Variants in SCN9A observed in about 807,000 individuals in gnomAD.
The protein encoded by SCN9A is sodium channel protein type 9 subunit alpha.
Under a neutral mutation model 187.0 loss-of-function variants are expected in SCN9A, and 131 were observed. That is an observed-to-expected ratio of 0.70 (90% CI 0.61 to 0.81). SCN9A has a LOEUF of 0.81. SCN9A is among the 30% of genes least tolerant of loss of function. The pLI, the probability that SCN9A is intolerant of heterozygous loss-of-function variation, is 0.00. For synonymous variants in SCN9A, 809 were observed against 808.6 expected (o/e 1.00, Z -0.01); for missense variants, 2,252 against 2,396.6 (o/e 0.94, Z 1.26).
Position 166,286,597 on chromosome 2 carries a change from A to G in SCN9A, c.1341T>C (p.Tyr447=). ...AEAIAAAAAE[Y]TSIRRSRIMG... ...TAATTCTGCTTCTCCTAATACTTGTATATTCAGCCGCTGCCGCTGCAATTG... is the reference window on the plus strand; with the variant it reads ...TAATTCTGCTTCTCCTAATACTTGTGTATTCAGCCGCTGCCGCTGCAATTG... The change falls in exon 11 of 27, where the codon TAT becomes TAC. Residue 447 remains tyrosine (Y), a synonymous_variant. Transcript: ENST00000642356. The G allele has an allele frequency of 1.3e-6, 2 of 1,572,546 alleles. No individual in the cohort carries two copies. Among genetic ancestry groups the G allele is most frequent in the Non-Finnish European group, 1.7e-6 (2 of 1,163,762 alleles).
At chr2:166,247,274 T>A (rs193182113) in intron 18 of SCN9A, among the ~76,000 whole-genome samples, 42 of 151,096 alleles carry the variant, frequency 2.8e-4, no homozygotes, top group African/African-American at 9.2e-4. Context: ...AATTTAAAAA[T>A]TGATTATGAA....
chr2:166,347,876 A>G (rs1699939957), intron 1 of SCN9A, among the ~76,000 whole-genome samples: 2 of 152,196 alleles, frequency 1.3e-5, no homozygotes, highest in South Asian at 4.1e-4. Context: ...TAATAAGGTC[A>G]TGAAGAGACA....
chr2:166,326,628 C>A (rs1217816197), intron 1 of SCN9A, among the ~76,000 whole-genome samples: 1 of 152,148 alleles, frequency 6.6e-6, no homozygotes, highest in Non-Finnish European at 1.5e-5. Context: ...GATGATCTTA[C>A]CATTGAGAGA....
intron 17 of SCN9A, among the ~76,000 whole-genome samples, chr2:166,270,236 A>G (rs1696914237): frequency 6.6e-6 from 1 of 152,146 alleles, no homozygotes; most frequent in Non-Finnish European, 1.5e-5. Context: ...AACAATAAAA[A>G]TAGTACAAAT....
intron 1 of SCN9A, among the ~76,000 whole-genome samples, chr2:166,319,440 C>T (rs534792758): frequency 2.0e-5 from 3 of 150,256 alleles, no homozygotes; most frequent in Non-Finnish European, 4.4e-5. Context: ...TTCTTTAGAA[C>T]GTGTAAATAG....
chr2:166,343,536 G>T (rs940357433), intron 1 of SCN9A, among the ~76,000 whole-genome samples: 3 of 143,316 alleles, frequency 2.1e-5, no homozygotes, highest in African/African-American at 8.5e-5. Context: ...GATTTGAATT[G>T]CAGTTCTGTT....
At chr2:166,271,070 C>A (rs1264659560) in intron 17 of SCN9A, among the ~76,000 whole-genome samples, 1 of 151,632 alleles carries the variant, frequency 6.6e-6, no homozygotes, top group Non-Finnish European at 1.5e-5. Context: ...GAGAGGAGGG[C>A]ACAAAAAAAG....
At chr2:166,287,912 A>G (rs77350688) in intron 10 of SCN9A, among the ~76,000 whole-genome samples, 7,728 of 149,434 alleles carry the variant, frequency 0.052, 280 homozygotes, top group South Asian at 0.13. Flanking sequence ...ACTGTATACA[A>G]TTGGTACTCT....
At chr2:166,326,717 T>C (rs1171971597) in intron 1 of SCN9A, among the ~76,000 whole-genome samples, 1 of 152,206 alleles carries the variant, frequency 6.6e-6, no homozygotes, top group Non-Finnish European at 1.5e-5. Context: ...GAGAGCATAT[T>C]AGACTAACCA....
chr2:166,305,852 C>T lies in SCN9A; in HGVS notation c.536G>A (p.Gly179Glu), dbSNP rs553375250. 1.5e-5 allele frequency: 24 copies of T among 1,613,308 alleles called. No homozygotes were observed. In the East Asian group the frequency reaches 4.2e-4, roughly 28 times the overall value. Residue 179 changes from glycine (G) to glutamate (E), a missense_variant, in exon 5 of 27, where the codon GGA becomes GAA. By Grantham distance (98) the Gly-to-Glu change is moderately conservative. Around this residue, in one of 7 missense-constraint regions of SCN9A, gnomAD observed 1,013 missense variants for 997.4 expected, o/e 1.02. Coordinates refer to ENST00000642356, the MANE Select transcript of SCN9A (RefSeq NM_001365536.1). ...VKILARGFCV[G>E]EFTFLRDPWN... ...CGGGTCACGAAGAAAAGTGAATTCTCCTACACAGAAGCCTCTTGCAAGGAT... is the reference window on the plus strand; with the variant it reads ...CGGGTCACGAAGAAAAGTGAATTCTTCTACACAGAAGCCTCTTGCAAGGAT...
At chr2:166,302,948 G>T (rs1224896687) in intron 7 of SCN9A, 142 bp downstream of exon 7, 1 of 673,192 alleles carries the variant, frequency 1.5e-6, no homozygotes, top group Non-Finnish European at 2.4e-6. Flanking sequence ...TATATAACAT[G>T]ACCCAAATTC....
At chr2:166,279,530 A>G (rs1466324319) in intron 14 of SCN9A, among the ~76,000 whole-genome samples, 1 of 152,146 alleles carries the variant, frequency 6.6e-6, no homozygotes, top group Non-Finnish European at 1.5e-5. Flanking sequence ...TCACTCTGGC[A>G]TCAATTTTAC....
chr2:166,205,872 T>C (rs777890774), intron 24 of SCN9A, among the ~76,000 whole-genome samples: 42 of 152,272 alleles, frequency 2.8e-4, no homozygotes, highest in South Asian at 1.2e-3. Flanking sequence ...CAGGTACTTC[T>C]CAAAAGAAGA....
chr2:166,313,657 C>T (rs2105231382), intron 1 of SCN9A, among the ~76,000 whole-genome samples: 1 of 152,226 alleles, frequency 6.6e-6, no homozygotes, highest in East Asian at 1.9e-4. Context: ...AAAACTTTCT[C>T]TATATTTGCA....
chr2:166,234,695 TTA>T (rs1199300752), intron 20 of SCN9A, among the ~76,000 whole-genome samples: 2 of 152,198 alleles, frequency 1.3e-5, no homozygotes, highest in African/African-American at 4.8e-5. Context: ...TTCACATCCA[TTA>T]TTTTCCACTT....
At chr2:166,320,777 C>T (rs541713728) in intron 1 of SCN9A, among the ~76,000 whole-genome samples, 12 of 152,004 alleles carry the variant, frequency 7.9e-5, no homozygotes, top group Non-Finnish European at 1.5e-4. Flanking sequence ...TTTTAAAATC[C>T]CTTTCACTTA....
intron 2 of SCN9A, among the ~76,000 whole-genome samples, chr2:166,309,116 G>T (rs571410824): frequency 6.6e-6 from 1 of 151,848 alleles, no homozygotes; most frequent in Admixed American, 6.6e-5. Flanking sequence ...ATATAAAGGG[G>T]GAAGAATGAG....
chr2:166,209,480 C>T (rs1246515357), intron 24 of SCN9A, among the ~76,000 whole-genome samples: 1 of 151,930 alleles, frequency 6.6e-6, no homozygotes, highest in African/African-American at 2.4e-5. Flanking sequence ...GGGAAAGAAA[C>T]TATACACACA....
intron 1 of SCN9A, among the ~76,000 whole-genome samples, chr2:166,374,316 C>T (rs1366721783): frequency 6.6e-6 from 1 of 152,194 alleles, no homozygotes; most frequent in Non-Finnish European, 1.5e-5. Flanking sequence ...TTTTAAAAAA[C>T]TTGTCTTAAG....
Sources: gnomAD v4.1 joint callset for allele counts (sites outside exome capture counted in the v4.1 genomes callset) on GRCh38, gnomAD v4.1.1 for gene constraint, gnomAD v4.1.1 regional missense constraint, MANE v1.5 for transcripts, NCBI Gene and HGNC (gene_info 2026-07-23, HGNC 2026-07-21) for gene names.